The following GNB4 variants were observed in gnomAD, a reference collection of about 807,000 sequenced individuals.
GNB4 encodes G protein subunit beta 4, also known as guanine nucleotide-binding protein subunit beta-4.
Under a neutral mutation model 45.2 loss-of-function variants are expected in GNB4, and 28 were observed. The ratio of observed to expected loss-of-function variants is 0.62; its 90% CI spans 0.46 to 0.85. The LOEUF is 0.85. GNB4 is among the 40% of genes least tolerant of loss of function. GNB4 has a pLI of 0.00. For synonymous variants in GNB4, 132 were observed against 143.7 expected (o/e 0.92, Z 0.58); for missense variants, 321 against 425.4 (o/e 0.75, Z 2.16).
the GNB4 span, among the ~76,000 whole-genome samples, chr3:179,495,226 GA>G: frequency 6.6e-6 from 1 of 151,944 alleles, no homozygotes; most frequent in East Asian, 1.9e-4. Flanking sequence ...TGTCTCAAAG[GA>G]AAAAAAGAGA....
At position 179,442,829 on chromosome 3, in the gene GNB4, T is replaced by C. The variant is rs560576195; in HGVS notation, c.-43+8517A>G. On this transcript the variant is annotated intron_variant, in intron 1 of 9. Coordinates refer to ENST00000232564, the MANE Select transcript of GNB4 (RefSeq NM_021629.4). ...AAAATTTTAGAGGTGGGGTCCTTAC[T>C]ATGTTGCCTAGGCCTGTCTTGACAT... is the stretch of plus-strand genomic sequence containing the variant. Among the ~76,000 whole-genome samples the C allele has an allele frequency of 2.6e-5, 4 of 152,206 alleles. No homozygotes were observed. The South Asian group carries it at 8.3e-4, about 32-fold the overall frequency.
At chr3:179,435,211 C>T (rs920147208) in intron 1 of GNB4, among the ~76,000 whole-genome samples, 3 of 152,136 alleles carry the variant, frequency 2.0e-5, no homozygotes, top group Admixed American at 1.3e-4. Flanking sequence ...ATCTTAAGAC[C>T]TCTTTGCTCA....
Position 179,397,684 on chromosome 3 carries a change from C to A in GNB4, c.*3529G>T, listed in dbSNP as rs149057815. On this transcript the variant is annotated 3_prime_UTR_variant, in exon 10 of 10. Coordinates refer to ENST00000232564, the MANE Select transcript of GNB4 (RefSeq NM_021629.4). ...GTCTACATCTCAAACAGCATAGCTG[C>A]CAAAAATGAGGCCTGTCCATTAAAG... The A allele has an allele frequency of 2.5e-3, 375 of 152,730 alleles. 5 individuals are homozygous for A. Among genetic ancestry groups the A allele is most frequent in the Non-Finnish European group, 4.9e-4 (33 of 68,040 alleles). The allele number at this position is 152,730 out of a possible 1,614,324, so 9.5% of individuals were successfully genotyped here.
chr3:179,407,671 T>A (rs1351888537), intron 8 of GNB4, among the ~76,000 whole-genome samples: 1 of 152,108 alleles, frequency 6.6e-6, no homozygotes, highest in Admixed American at 6.6e-5. Flanking sequence ...GAGAGGACAA[T>A]GCTTGGCAAA....
chr3:179,423,881 G>A (rs945210444), intron 2 of GNB4, among the ~76,000 whole-genome samples: 3 of 152,074 alleles, frequency 2.0e-5, no homozygotes, highest in South Asian at 2.1e-4. Flanking sequence ...CTCAGAAGTC[G>A]TATAATTCCA....
At position 179,405,319 on chromosome 3, in the gene GNB4, A is replaced by C; in HGVS notation, c.787T>G (p.Leu263Val). ...FDLRADQELL[L>V]YSHDNIICGI... Reference sequence around the variant, plus strand: ...CAGATGATATTGTCATGAGAATACAATAATAACTCTTGATCTGCACGAAGG... The same window carrying C: ...CAGATGATATTGTCATGAGAATACACTAATAACTCTTGATCTGCACGAAGG... The change falls in exon 9 of 10, where the codon TTG becomes GTG. Residue 263 changes from leucine to valine, a missense_variant. Physicochemically the swap from Leu to Val is conservative, Grantham distance 32 (BLOSUM62 1). Coordinates refer to ENST00000232564, the MANE Select transcript of GNB4 (RefSeq NM_021629.4). The C allele has an allele frequency of 9.3e-6, 15 of 1,614,174 alleles. No homozygotes were observed. The highest frequency in any genetic ancestry group is 1.3e-5 in the Non-Finnish European group (15 of 1,179,974).
chr3:179,469,796 G>T, the GNB4 span, among the ~76,000 whole-genome samples: 1 of 152,180 alleles, frequency 6.6e-6, no homozygotes, highest in Non-Finnish European at 1.5e-5. Context: ...TACAGTGCTA[G>T]TGTATTAGGC....
chr3:179,414,538 C>A (rs1231987343), intron 6 of GNB4, among the ~76,000 whole-genome samples: 1 of 152,120 alleles, frequency 6.6e-6, no homozygotes, highest in African/African-American at 2.4e-5. Flanking sequence ...TACCTTAATG[C>A]ATACTTTCAA....
At chr3:179,425,762 T>A (rs60530796) in intron 2 of GNB4, among the ~76,000 whole-genome samples, 1 of 152,172 alleles carries the variant, frequency 6.6e-6, no homozygotes, top group East Asian at 1.9e-4. Context: ...TGAGCCACTG[T>A]GCCCACCCTA....
At chr3:179,468,031 T>TAAAAAAAAA in the GNB4 span, among the ~76,000 whole-genome samples, 3 of 67,314 alleles carry the variant, frequency 4.5e-5, no homozygotes, top group African/African-American at 1.8e-4. Flanking sequence ...ATTTTGTTGA[T>TAAAAAAAAA]AAAAATATAT....
chr3:179,438,508 T>C (rs987038596), intron 1 of GNB4, among the ~76,000 whole-genome samples: 1 of 152,198 alleles, frequency 6.6e-6, no homozygotes, highest in Non-Finnish European at 1.5e-5. Flanking sequence ...ATGAAGAAGC[T>C]ATAGCCATGA....
At chr3:179,470,400 A>C in the GNB4 span, among the ~76,000 whole-genome samples, 2 of 151,518 alleles carry the variant, frequency 1.3e-5, no homozygotes, top group African/African-American at 4.9e-5. Context: ...GATGACCCCA[A>C]CCCTGTGTAG....
the GNB4 span, among the ~76,000 whole-genome samples, chr3:179,499,833 G>GA: frequency 5.9e-5 from 9 of 152,188 alleles, no homozygotes. Flanking sequence ...AATGACTAGT[G>GA]ATGATGAGCT....
the GNB4 span, among the ~76,000 whole-genome samples, chr3:179,524,210 G>A: frequency 6.6e-6 from 1 of 152,258 alleles, no homozygotes; most frequent in South Asian, 2.1e-4. Flanking sequence ...CTAAGCCAAG[G>A]AGATCTGGGA....
chr3:179,429,788 C>T (rs1207649093), intron 1 of GNB4, among the ~76,000 whole-genome samples: 1 of 152,150 alleles, frequency 6.6e-6, no homozygotes, highest in Non-Finnish European at 1.5e-5. Context: ...AAATTCACAT[C>T]ACCAATCTCA....
At chr3:179,442,648 G>T (rs535597914) in intron 1 of GNB4, among the ~76,000 whole-genome samples, 6 of 151,730 alleles carry the variant, frequency 4.0e-5, no homozygotes, top group Non-Finnish European at 7.4e-5. Flanking sequence ...AAGAGATGGG[G>T]TCTTGTTCTG....
At chr3:179,525,372 C>T in the GNB4 span, among the ~76,000 whole-genome samples, 2 of 152,014 alleles carry the variant, frequency 1.3e-5, no homozygotes, top group Non-Finnish European at 2.9e-5. Flanking sequence ...TTTCTGAGAA[C>T]ACAGGCTAAG....
At chr3:179,523,823 A>G in the GNB4 span, among the ~76,000 whole-genome samples, 104,914 of 151,828 alleles carry the variant, frequency 0.69, 36,985 homozygotes, top group East Asian at 0.98. Context: ...GCTTTGAACT[A>G]GGGAAAAGGG....
rs1714222703 is a variant in GNB4 at position 179,399,550 on chromosome 3, C to T, written c.*1663G>A. ...TCAAAATATAAATATACATTCATAA[C>T]TGCCATCTACAATATTCTGTTTTGG... On this transcript the variant is annotated 3_prime_UTR_variant, in exon 10 of 10. Transcript: ENST00000232564. The T allele has an allele frequency of 6.6e-6, 1 of 152,190 alleles. No homozygotes were observed. Among genetic ancestry groups the T allele is most frequent in the South Asian group, 2.1e-4 (1 of 4,828 alleles). 9.4% of individuals were successfully genotyped at this position (152,190 alleles called of 1,614,324 possible). A position where few individuals can be genotyped will look rare whatever the true frequency, so the allele number is the denominator to read the frequency against.
Sources: gnomAD v4.1 joint callset for allele counts (sites outside exome capture counted in the v4.1 genomes callset) on GRCh38, gnomAD v4.1.1 for gene constraint, MANE v1.5 for transcripts, NCBI Gene and HGNC (gene_info 2026-07-23, HGNC 2026-07-21) for gene names.